Variants in ZDHHC14 observed in about 807,000 individuals in gnomAD.
ZDHHC14 encodes the protein palmitoyltransferase ZDHHC14.
Under a neutral mutation model 47.7 loss-of-function variants are expected in ZDHHC14, and 16 were observed. The observed-to-expected ratio is 0.34, with a 90% CI of 0.23 to 0.51. ZDHHC14 has a LOEUF of 0.51. Among genes scored for constraint, ZDHHC14 ranks in the 20% least tolerant of loss-of-function variants. The pLI is 0.97. For synonymous variants in ZDHHC14, 293 were observed against 278.9 expected, an observed-to-expected ratio of 1.05 and a Z score of -0.50; for missense variants, 515 against 662.5, an observed-to-expected ratio of 0.78 and a Z score of 2.44.
chr6:157,504,971 C>A (rs373982450), intron 1 of ZDHHC14, among the ~76,000 whole-genome samples: 16 of 151,580 alleles, frequency 1.1e-4, no homozygotes, highest in Admixed American at 9.9e-4. Flanking sequence ...CCACCACACC[C>A]GGCTAATTTT....
chr6:157,572,862 GA>G (rs1783153907), intron 2 of ZDHHC14, among the ~76,000 whole-genome samples: 1 of 147,384 alleles, frequency 6.8e-6, no homozygotes. Flanking sequence ...TAAGTAGACA[GA>G]AAAAGGTTTT....
At chr6:157,436,793 A>T (rs1185101505) in intron 1 of ZDHHC14, among the ~76,000 whole-genome samples, 1 of 152,114 alleles carries the variant, frequency 6.6e-6, no homozygotes, top group Non-Finnish European at 1.5e-5. Context: ...AGTTTGGGTC[A>T]TGTTGGCTGC....
chr6:157,417,823 G>A (rs1413022949), intron 1 of ZDHHC14, among the ~76,000 whole-genome samples: 5 of 152,050 alleles, frequency 3.3e-5, no homozygotes, highest in South Asian at 2.1e-4. Flanking sequence ...GCGTGGTTGC[G>A]GGTGCCTGTA....
intron 1 of ZDHHC14, among the ~76,000 whole-genome samples, chr6:157,465,464 A>G (rs1009898391): frequency 6.6e-6 from 1 of 152,128 alleles, no homozygotes; most frequent in Non-Finnish European, 1.5e-5. Context: ...GGCCACCCCC[A>G]TAACAATGCA....
chr6:157,448,302 T>C (rs1778727983), intron 1 of ZDHHC14, among the ~76,000 whole-genome samples: 1 of 152,176 alleles, frequency 6.6e-6, no homozygotes, highest in Non-Finnish European at 1.5e-5. Flanking sequence ...ACCTTATCCC[T>C]CTCCCAAATG....
intron 1 of ZDHHC14, among the ~76,000 whole-genome samples, chr6:157,510,851 T>A (rs1372794522): frequency 2.6e-5 from 4 of 152,254 alleles, no homozygotes; most frequent in Admixed American, 1.3e-4. Context: ...TCCAATGGCC[T>A]CTGCCTTCCT....
Position 157,502,304 on chromosome 6 carries a change from C to A in ZDHHC14, c.246-40281C>A, listed in dbSNP as rs1780211375. Reference sequence around the variant, plus strand: ...GAAGACCATTGCATGTAAGCAAGGACACCGTGACTGTATGTGAGCCAAAAG... The same window carrying A: ...GAAGACCATTGCATGTAAGCAAGGAAACCGTGACTGTATGTGAGCCAAAAG... On this transcript the variant is annotated intron_variant, in intron 1 of 8. Transcript: ENST00000359775. The surrounding 1 kb of genome is among the most constrained non-coding windows in gnomAD (Gnocchi z 4.0). Among the ~76,000 whole-genome samples the A allele has an allele frequency of 6.6e-6, 1 of 152,166 alleles. No homozygotes were observed. Among genetic ancestry groups the A allele is most frequent in the South Asian group, 2.1e-4 (1 of 4,828 alleles).
chr6:157,573,091 C>T lies in ZDHHC14; in HGVS notation c.407-19897C>T, dbSNP rs554279620. ...TTTGTGTTTTCTAACGAAATTACCC[C>T]CTACAACTCAAAACCAGCTTCCTGT... is the stretch of plus-strand genomic sequence containing the variant. On this transcript the variant is annotated intron_variant, in intron 2 of 8. Transcript: ENST00000359775. Among the ~76,000 whole-genome samples the T allele has an allele frequency of 4.6e-5, 7 of 152,260 alleles. No homozygotes were observed. The South Asian group carries it at 1.5e-3, about 32-fold the overall frequency.
At chr6:157,592,650 A>G in intron 2 of ZDHHC14, 1 of 784,570 alleles carries the variant, frequency 1.3e-6, no homozygotes. Flanking sequence ...TGTGTCTCCC[A>G]AGATGGCCTG....
chr6:157,671,948 T>C (rs9355333), intron 8 of ZDHHC14, among the ~76,000 whole-genome samples: 34,988 of 152,138 alleles, frequency 0.23, 4,428 homozygotes, highest in East Asian at 0.52. Flanking sequence ...ACCACCCATC[T>C]CCAGGGCTTC....
chr6:157,416,327 T>G (rs1240876787), intron 1 of ZDHHC14, among the ~76,000 whole-genome samples: 3 of 152,144 alleles, frequency 2.0e-5, no homozygotes, highest in African/African-American at 7.2e-5. Flanking sequence ...AGTGTTATAA[T>G]TGAATCCTTT....
At chr6:157,459,256 G>T (rs1172637993) in intron 1 of ZDHHC14, among the ~76,000 whole-genome samples, 3 of 152,138 alleles carry the variant, frequency 2.0e-5, no homozygotes, top group Admixed American at 6.5e-5. Context: ...AATGTAGAAG[G>T]TGTAGCTCCT....
chr6:157,639,177 G>A (rs1006645859), intron 5 of ZDHHC14, among the ~76,000 whole-genome samples: 2 of 152,248 alleles, frequency 1.3e-5, no homozygotes, highest in African/African-American at 2.4e-5. Flanking sequence ...GCTAAACCCC[G>A]ATGGGGTGGG....
chr6:157,621,596 C>G lies in ZDHHC14; in HGVS notation c.566-6753C>G, dbSNP rs149812697. Among the ~76,000 whole-genome samples, 408 of 152,290 alleles carry G rather than the reference C, an allele frequency of 2.7e-3. 4 individuals carry two copies. Among genetic ancestry groups the G allele is most frequent in the African/African-American group, 8.5e-3 (352 of 41,554 alleles). ...GCATGGAAAATGCAGAATCCTGGCT[C>G]TGGGTCCCCTCTCCATTACCCATGC... is the stretch of plus-strand genomic sequence containing the variant. On this transcript the variant is annotated intron_variant, in intron 3 of 8. Transcript: ENST00000359775.
intron 1 of ZDHHC14, among the ~76,000 whole-genome samples, chr6:157,435,295 C>T (rs1778415774): frequency 6.6e-6 from 1 of 152,132 alleles, no homozygotes; most frequent in South Asian, 2.1e-4. Flanking sequence ...TATAGAAATC[C>T]GAGAAGAGGG....
At chr6:157,574,147 G>A (rs1283662658) in intron 2 of ZDHHC14, among the ~76,000 whole-genome samples, 2 of 151,478 alleles carry the variant, frequency 1.3e-5, no homozygotes, top group South Asian at 4.2e-4. Flanking sequence ...GAGATGCCAG[G>A]TGTGGTGGCT....
At position 157,589,756 on chromosome 6, in the gene ZDHHC14, G is replaced by T. The variant is rs780367270; in HGVS notation, c.407-3232G>T. On this transcript the variant is annotated intron_variant, in intron 2 of 8. Coordinates refer to ENST00000359775, the MANE Select transcript of ZDHHC14 (RefSeq NM_024630.3). ...GAAAATGGACTAATACAGTATATTG[G>T]TATTGGGTAGTGGGGCACTGCTATA... Among the ~76,000 whole-genome samples, 4 of 152,202 alleles carry T rather than the reference G, an allele frequency of 2.6e-5. No individual in the cohort carries two copies. In the East Asian group the frequency reaches 7.7e-4, roughly 29 times the overall value.
At chr6:157,658,001 T>C (rs1384436165) in intron 8 of ZDHHC14, among the ~76,000 whole-genome samples, 3 of 152,222 alleles carry the variant, frequency 2.0e-5, no homozygotes, top group African/African-American at 7.2e-5. Flanking sequence ...CTTGTAGGGT[T>C]TCTATGAGGA....
chr6:157,530,309 T>C (rs992635879), intron 1 of ZDHHC14, among the ~76,000 whole-genome samples: 45 of 152,166 alleles, frequency 3.0e-4, no homozygotes, highest in Admixed American at 2.4e-3. Flanking sequence ...CTCCCCAACA[T>C]CAGGGCCGAG....
Sources: gnomAD v4.1 joint callset for allele counts (sites outside exome capture counted in the v4.1 genomes callset) on GRCh38, gnomAD v4.1.1 for gene constraint, Gnocchi (gnomAD v3.1) non-coding constraint, MANE v1.5 for transcripts, NCBI Gene and HGNC (gene_info 2026-07-23, HGNC 2026-07-21) for gene names.